PCDH7: variants seen among roughly 807,000 people sequenced by gnomAD.
The protein encoded by PCDH7 is protocadherin-7.
PCDH7 carries 17 observed loss-of-function variants against 58.9 expected under a neutral mutation model. The observed-to-expected ratio is 0.29, with a 90% CI of 0.20 to 0.43. PCDH7 has a LOEUF of 0.43. PCDH7 is among the 20% of genes least tolerant of loss of function. The probability of loss-of-function intolerance (pLI) is 1.00; values close to 1 mark genes in which losing one functional copy is unlikely to be tolerated. For missense variants in PCDH7, 1,274 were observed against 1,441.0 expected, an observed-to-expected ratio of 0.88 and a Z score of 1.88; for synonymous variants, 664 against 616.4, an observed-to-expected ratio of 1.08 and a Z score of -1.14.
At chr4:31,111,737 A>G (rs1248999929) in intron 3 of PCDH7, among the ~76,000 whole-genome samples, 1 of 152,210 alleles carries the variant, frequency 6.6e-6, no homozygotes, top group African/African-American at 2.4e-5. Flanking sequence ...GCACTTCTCA[A>G]CCCTAACATG....
intron 1 of PCDH7, among the ~76,000 whole-genome samples, chr4:30,771,757 G>C (rs1721433190): frequency 6.6e-6 from 1 of 152,042 alleles, no homozygotes; most frequent in Non-Finnish European, 1.5e-5. Context: ...GTTATTAACT[G>C]TGAATGCCTT....
intron 3 of PCDH7, among the ~76,000 whole-genome samples, chr4:31,108,369 T>TAAAAAAAAAAAAAAAAAAAAAAAAA (rs71190491): frequency 3.3e-5 from 2 of 60,070 alleles, no homozygotes; most frequent in African/African-American, 9.5e-5. Flanking sequence ...CAGCATACAG[T>TAAAAAAAAAAAAAAAAAAAAAAAAA]AAAAAAAAAA....
At chr4:30,844,888 G>A (rs542906566) in intron 1 of PCDH7, among the ~76,000 whole-genome samples, 3 of 152,230 alleles carry the variant, frequency 2.0e-5, no homozygotes, top group South Asian at 4.1e-4. Context: ...TGAGGGGGAC[G>A]GAGGTGAGCA....
exon 2 of PCDH7, chr4:30,730,901 C>A (rs1395700049): frequency 7.1e-7 from 1 of 1,400,944 alleles, no homozygotes; most frequent in Non-Finnish European, 9.3e-7. Flanking sequence ...ACTGCTTGTT[C>A]CACTTGTTGT....
chr4:30,747,729 T>A (rs1230411522), intron 1 of PCDH7, among the ~76,000 whole-genome samples: 1 of 152,388 alleles, frequency 6.6e-6, no homozygotes, highest in African/African-American at 2.4e-5. Flanking sequence ...ATCTTAATTC[T>A]CCTTTGCCAT....
chr4:31,090,298 G>A (rs909002902), intron 3 of PCDH7, among the ~76,000 whole-genome samples: 1 of 151,986 alleles, frequency 6.6e-6, no homozygotes, highest in African/African-American at 2.4e-5. Context: ...TGGGTACATA[G>A]TAGATGTATA....
chr4:31,129,445 C>T (rs16867997), intron 3 of PCDH7, among the ~76,000 whole-genome samples: 13,763 of 152,002 alleles, frequency 0.091, 1,296 homozygotes, highest in East Asian at 0.48. Flanking sequence ...AGAAATGATA[C>T]CTACCTTAGG....
At chr4:30,807,161 T>G (rs1726326670) in intron 1 of PCDH7, among the ~76,000 whole-genome samples, 1 of 152,228 alleles carries the variant, frequency 6.6e-6, no homozygotes, top group South Asian at 2.1e-4. Context: ...TTAAGAGCTC[T>G]GAAAGAATTA....
intron 3 of PCDH7, among the ~76,000 whole-genome samples, chr4:31,114,667 ACG>A (rs1491502194): frequency 5.4e-5 from 8 of 148,330 alleles, no homozygotes; most frequent in South Asian, 4.5e-4. Flanking sequence ...ACACACACAC[ACG>A]AAGAGATGGG....
chr4:30,801,878 T>C (rs1725567510), intron 1 of PCDH7, among the ~76,000 whole-genome samples: 1 of 152,212 alleles, frequency 6.6e-6, no homozygotes, highest in Non-Finnish European at 1.5e-5. Context: ...TTAATTCCTA[T>C]GCTCACTATT....
chr4:30,887,701 A>C (rs1050466872), intron 1 of PCDH7, among the ~76,000 whole-genome samples: 1 of 152,202 alleles, frequency 6.6e-6, no homozygotes, highest in Non-Finnish European at 1.5e-5. Context: ...CTACAAAGGC[A>C]TGCAAATTCA....
At chr4:31,101,337 G>T (rs1052840493) in intron 3 of PCDH7, among the ~76,000 whole-genome samples, 1 of 152,018 alleles carries the variant, frequency 6.6e-6, no homozygotes, top group African/African-American at 2.4e-5. Context: ...ATCTAAAGTG[G>T]TATTTTTATA....
intron 3 of PCDH7, among the ~76,000 whole-genome samples, chr4:31,124,145 A>G (rs2109327607): frequency 6.6e-6 from 1 of 152,268 alleles, no homozygotes; most frequent in Middle Eastern, 3.4e-3. Context: ...CCGTGAGTCC[A>G]GCCTCGAGGG....
intron 3 of PCDH7, among the ~76,000 whole-genome samples, chr4:30,979,623 C>A (rs1366394930): frequency 2.6e-5 from 4 of 151,722 alleles, no homozygotes; most frequent in Non-Finnish European, 5.9e-5. Flanking sequence ...CATAATATGA[C>A]ATGCACTATC....
At chr4:31,019,805 C>T (rs554809913) in intron 3 of PCDH7, among the ~76,000 whole-genome samples, 1 of 151,886 alleles carries the variant, frequency 6.6e-6, no homozygotes, top group African/African-American at 2.4e-5. Flanking sequence ...TGCACACACA[C>T]CCACAGGTAC....
intron 3 of PCDH7, among the ~76,000 whole-genome samples, chr4:30,990,987 G>C (rs1323296347): frequency 6.6e-6 from 1 of 152,106 alleles, no homozygotes; most frequent in Non-Finnish European, 1.5e-5. Context: ...GCAAGGAAGA[G>C]AAGTATTCCA....
intron 3 of PCDH7, among the ~76,000 whole-genome samples, chr4:31,041,422 C>A (rs1430954741): frequency 6.6e-6 from 1 of 152,120 alleles, no homozygotes; most frequent in African/African-American, 2.4e-5. Flanking sequence ...ATGCTCCTTG[C>A]TTAGCATGAT....
At chr4:30,836,224 G>A (rs13141110) in intron 1 of PCDH7, among the ~76,000 whole-genome samples, 79,659 of 152,012 alleles carry the variant, frequency 0.52, 24,234 homozygotes, top group African/African-American at 0.86. Context: ...ATTATGAGTG[G>A]CACAGAAATA....
chr4:30,933,809 A>G (rs1744978699), intron 2 of PCDH7, among the ~76,000 whole-genome samples: 1 of 152,224 alleles, frequency 6.6e-6, no homozygotes, highest in Admixed American at 6.5e-5. Flanking sequence ...CATTAATTAA[A>G]TGCTCATAAT....
Sources: gnomAD v4.1 joint callset for allele counts (sites outside exome capture counted in the v4.1 genomes callset) on GRCh38, gnomAD v4.1.1 for gene constraint, MANE v1.5 for transcripts, NCBI Gene and HGNC (gene_info 2026-07-23, HGNC 2026-07-21) for gene names.